The following PRKD1 variants were observed in gnomAD, a reference collection of about 807,000 sequenced individuals.
The protein encoded by PRKD1 is serine/threonine-protein kinase D1.
A neutral mutation model predicts 95.9 loss-of-function variants in PRKD1; 63 were observed. That is an observed-to-expected ratio of 0.66 (90% CI 0.54 to 0.81). The LOEUF (loss-of-function observed/expected upper bound fraction) is 0.81. PRKD1 is among the 30% of genes least tolerant of loss of function. The pLI, the probability that PRKD1 is intolerant of heterozygous loss-of-function variation, is 0.00. For synonymous variants in PRKD1, 425 were observed against 423.1 expected, an observed-to-expected ratio of 1.00 and a Z score of -0.05; for missense variants, 1,048 against 1,165.3, an observed-to-expected ratio of 0.90 and a Z score of 1.47.
chr14:29,648,107 C>T lies in PRKD1; in HGVS notation c.697-9203G>A, dbSNP rs561466697. Among the ~76,000 whole-genome samples, 11 of 152,310 alleles carry T rather than the reference C, an allele frequency of 7.2e-5. No homozygotes were observed. In the South Asian group the frequency reaches 1.5e-3, roughly 20 times the overall value. On this transcript the variant is annotated intron_variant, in intron 4 of 17. Coordinates refer to ENST00000331968, the MANE Select transcript of PRKD1 (RefSeq NM_002742.3). ...GGAAAGAGATAAGGTTAATTAATGT[C>T]TTACAGTTTCTACAGAAAGGCAGTT...
chr14:29,908,737 G>C (rs1217143136), intron 1 of PRKD1, among the ~76,000 whole-genome samples: 1 of 152,236 alleles, frequency 6.6e-6, no homozygotes, highest in Non-Finnish European at 1.5e-5. Flanking sequence ...TTAGACACTA[G>C]AAAGTGGTGT....
At chr14:29,662,065 T>C (rs1882220586) in intron 4 of PRKD1, among the ~76,000 whole-genome samples, 3 of 152,168 alleles carry the variant, frequency 2.0e-5, no homozygotes, top group Admixed American at 6.5e-5. Context: ...ATTGCTTTTA[T>C]TGCTTTTAAG....
At chr14:29,651,443 A>G (rs1053418931) in intron 4 of PRKD1, among the ~76,000 whole-genome samples, 1 of 152,218 alleles carries the variant, frequency 6.6e-6, no homozygotes, top group African/African-American at 2.4e-5. Flanking sequence ...AGAAGGCAAG[A>G]AGGAATTCAT....
chr14:29,914,865 C>T (rs923397716), intron 1 of PRKD1, among the ~76,000 whole-genome samples: 3 of 151,930 alleles, frequency 2.0e-5, no homozygotes, highest in East Asian at 1.9e-4. Flanking sequence ...CTCCGCCTCC[C>T]GGGTTCACGC....
intron 1 of PRKD1, among the ~76,000 whole-genome samples, chr14:29,829,211 G>C (rs1394628705): frequency 6.6e-6 from 1 of 152,170 alleles, no homozygotes; most frequent in African/African-American, 2.4e-5. Flanking sequence ...TCATGGAATA[G>C]AGATTAAAAA....
chr14:29,729,139 A>C (rs1886314707), intron 1 of PRKD1, among the ~76,000 whole-genome samples: 1 of 152,118 alleles, frequency 6.6e-6, no homozygotes, highest in Admixed American at 6.6e-5. Flanking sequence ...CATTGTTTAA[A>C]ATTTTACATT....
chr14:29,639,688 A>G (rs1880635588), intron 4 of PRKD1, among the ~76,000 whole-genome samples: 1 of 152,006 alleles, frequency 6.6e-6, no homozygotes, highest in Admixed American at 6.6e-5. Context: ...AATGCCTTAC[A>G]GTTCCTTTGG....
chr14:29,630,703 T>C, intron 10 of PRKD1, 39 bp downstream of exon 10: 4 of 1,613,054 alleles, frequency 2.5e-6, no homozygotes, highest in Non-Finnish European at 3.4e-6. Context: ...GGTAGGCACA[T>C]GATGAGCTTT....
chr14:29,718,256 G>A (rs1024402006), intron 2 of PRKD1, among the ~76,000 whole-genome samples: 4 of 152,120 alleles, frequency 2.6e-5, no homozygotes, highest in Non-Finnish European at 5.9e-5. Context: ...TGCTGTTCTC[G>A]TGATAGTGAG....
chr14:29,656,410 C>T (rs531611572), intron 4 of PRKD1: 236 of 1,412,028 alleles, frequency 1.7e-4, no homozygotes, highest in Non-Finnish European at 1.9e-4. Flanking sequence ...CTGATGTCAG[C>T]GTAATATGCT....
At chr14:29,840,290 A>G (rs1440964054) in intron 1 of PRKD1, among the ~76,000 whole-genome samples, 1 of 152,138 alleles carries the variant, frequency 6.6e-6, no homozygotes, top group East Asian at 1.9e-4. Context: ...CTCTTTCCTA[A>G]AACATAGGAA....
chr14:29,807,481 C>G (rs1036041760), intron 1 of PRKD1, among the ~76,000 whole-genome samples: 1 of 151,980 alleles, frequency 6.6e-6, no homozygotes, highest in Non-Finnish European at 1.5e-5. Flanking sequence ...ACTGCAACCT[C>G]TGCCTCCCAG....
intron 1 of PRKD1, among the ~76,000 whole-genome samples, chr14:29,747,383 A>C (rs570594845): frequency 6.6e-6 from 1 of 152,282 alleles, no homozygotes; most frequent in African/African-American, 2.4e-5. Context: ...TATGAAAAAT[A>C]ATTTGTTGGT....
chr14:29,879,454 C>T, intron 1 of PRKD1, among the ~76,000 whole-genome samples: 1 of 152,180 alleles, frequency 6.6e-6, no homozygotes, highest in Non-Finnish European at 1.5e-5. Context: ...CGCCTCCCGC[C>T]ATGATTCTGA....
intron 13 of PRKD1, among the ~76,000 whole-genome samples, chr14:29,605,156 C>G (rs1413047579): frequency 6.6e-6 from 1 of 152,090 alleles, no homozygotes; most frequent in East Asian, 1.9e-4. Flanking sequence ...CACAGCATCC[C>G]AACTGATCTG....
At chr14:29,831,503 C>G (rs1032554104) in intron 1 of PRKD1, among the ~76,000 whole-genome samples, 1 of 114,250 alleles carries the variant, frequency 8.8e-6, no homozygotes, top group Non-Finnish European at 1.8e-5. Context: ...GAGTCTTGTT[C>G]TGTCATCCAG....
At chr14:29,769,449 G>A (rs1015911174) in intron 1 of PRKD1, among the ~76,000 whole-genome samples, 2 of 152,090 alleles carry the variant, frequency 1.3e-5, no homozygotes, top group Admixed American at 6.6e-5. Flanking sequence ...TACACATGTA[G>A]TTCAGGGAGA....
chr14:29,660,400 T>C (rs1185228863), intron 4 of PRKD1, among the ~76,000 whole-genome samples: 1 of 152,214 alleles, frequency 6.6e-6, no homozygotes, highest in Non-Finnish European at 1.5e-5. Context: ...CTCAGCACTA[T>C]TGACATTTTG....
At chr14:29,607,875 G>A (rs2139037890) in intron 13 of PRKD1, among the ~76,000 whole-genome samples, 1 of 152,250 alleles carries the variant, frequency 6.6e-6, no homozygotes, top group South Asian at 2.1e-4. Context: ...CAGGGCAGGG[G>A]TATGTGGGGG....
Sources: allele counts gnomAD v4.1 joint callset (sites outside exome capture counted in the v4.1 genomes callset), GRCh38; gene constraint gnomAD v4.1.1; transcripts MANE v1.5; gene names NCBI Gene and HGNC (gene_info 2026-07-23, HGNC 2026-07-21).